Variants in EPX observed in about 807,000 individuals in gnomAD.
The protein encoded by EPX is eosinophil peroxidase.
Under a neutral mutation model 73.0 loss-of-function variants are expected in EPX, and 60 were observed. The observed-to-expected ratio is 0.82, with a 90% CI of 0.67 to 1.02. The LOEUF (loss-of-function observed/expected upper bound fraction) is 1.02, where lower values mean the gene tolerates loss of function less well. Ranked by LOEUF, EPX falls within the 50% of genes least tolerant of loss-of-function variation. The pLI, the probability that EPX is intolerant of heterozygous loss-of-function variation, is 0.00. For synonymous variants in EPX, 347 were observed against 389.2 expected, an observed-to-expected ratio of 0.89 and a Z score of 1.28; for missense variants, 950 against 973.9, an observed-to-expected ratio of 0.98 and a Z score of 0.33.
chr17:58,197,707 G>C (rs1194964296), intron 7 of EPX, among the ~76,000 whole-genome samples: 1 of 151,920 alleles, frequency 6.6e-6, no homozygotes, highest in African/African-American at 2.4e-5. Flanking sequence ...GTTCCTCCCT[G>C]TCCCCAGCTG....
At chr17:58,200,506 C>A in intron 10 of EPX, 111 bp downstream of exon 10, 1 of 1,171,716 alleles carries the variant, frequency 8.5e-7, no homozygotes, top group Non-Finnish European at 1.2e-6. Context: ...ACAGGATGTG[C>A]AGGAGTGCAG....
At chr17:58,197,896 C>T (rs535466805) in intron 7 of EPX, among the ~76,000 whole-genome samples, 2 of 152,122 alleles carry the variant, frequency 1.3e-5, no homozygotes, top group Non-Finnish European at 2.9e-5. Flanking sequence ...AGTGCAGTGG[C>T]GTGATCTCAG....
At position 58,204,990 on chromosome 17, in the gene EPX, C is replaced by T. The variant is rs1430947276; in HGVS notation, c.*266C>T. ...GGGAGCCAAGCCATGTGGTCTTGCA[C>T]CCCAGGCAAGAAAAGTCAGCTGGAG... is the stretch of plus-strand genomic sequence containing the variant. On this transcript the variant is annotated 3_prime_UTR_variant, in exon 13 of 13. Coordinates refer to ENST00000225371, the MANE Select transcript of EPX (RefSeq NM_000502.6). 6.1e-6 allele frequency: 1 copy of T among 164,684 alleles called. No individual in the cohort carries two copies. Among genetic ancestry groups the T allele is most frequent in the Admixed American group, 5.6e-5 (1 of 17,912 alleles). The allele number at this position is 164,684 out of a possible 1,614,324, so 10.2% of individuals were successfully genotyped here.
intron 11 of EPX, among the ~76,000 whole-genome samples, chr17:58,203,931 CAAAAAAAAAAAAAAAAAAAAAAAA>C (rs567848038): frequency 4.4e-4 from 7 of 15,778 alleles, no homozygotes; most frequent in Non-Finnish European, 6.0e-4. Context: ...GACTCCGTCT[CAAAAAAAAAAAAAAAAAAAAAAAA>C]AAAAAAAAAA....
Position 58,204,386 on chromosome 17 carries a change from T to A in EPX, c.2111T>A (p.Ile704Asn), listed in dbSNP as rs1968398847. Reference protein sequence around the residue: ...YPRGFVNCSRIPRLNLSAWRG... With the variant: ...YPRGFVNCSRNPRLNLSAWRG... ...CGGGGCTTTGTGAACTGCAGCCGTA[T>A]CCCCAGGTTGAACCTATCAGCCTGG... is the stretch of plus-strand genomic sequence containing the variant. The change falls in exon 12 of 13, where the codon ATC (isoleucine) becomes AAC (asparagine). Residue 704 changes from isoleucine to asparagine, a missense_variant. Transcript: ENST00000225371. The A allele has an allele frequency of 1.9e-6, 3 of 1,614,012 alleles. No individual in the cohort carries two copies. The highest frequency in any genetic ancestry group is 1.7e-5 in the Admixed American group (1 of 60,000).
Sources: allele counts gnomAD v4.1 joint callset (sites outside exome capture counted in the v4.1 genomes callset), GRCh38; gene constraint gnomAD v4.1.1; transcripts MANE v1.5; gene names NCBI Gene and HGNC (gene_info 2026-07-23, HGNC 2026-07-21).